RHBDF2: variants seen among roughly 807,000 people sequenced by gnomAD.
The protein encoded by RHBDF2 is inactive rhomboid protein 2.
In RHBDF2, 38 loss-of-function variants were observed where a neutral mutation model predicts 95.2. That is an observed-to-expected ratio of 0.40 (90% confidence interval 0.31 to 0.52). The LOEUF is 0.52. Among genes scored for constraint, RHBDF2 ranks in the 20% least tolerant of loss-of-function variants. The pLI is 0.56. For missense variants in RHBDF2, 863 were observed against 1,137.7 expected (o/e 0.76, Z 3.47); for synonymous variants, 442 against 462.0 (o/e 0.96, Z 0.55).
chr17:76,472,388 C>T (rs770537276), intron 18 of RHBDF2: 13 of 572,990 alleles, frequency 2.3e-5, no homozygotes, highest in Non-Finnish European at 3.1e-5. Context: ...CTGCCGACGG[C>T]GCACGGAGGC....
chr17:76,489,598 C>T (rs1320684751), intron 1 of RHBDF2, among the ~76,000 whole-genome samples: 1 of 152,230 alleles, frequency 6.6e-6, no homozygotes, highest in Non-Finnish European at 1.5e-5. Context: ...GCTGGGATTA[C>T]AGGCGTGAGC....
rs867428941 is a variant in RHBDF2 at position 76,473,256 on chromosome 17, G to A, written c.1805C>T (p.Ser602Phe). 1 of 1,612,604 alleles carries A rather than the reference G, an allele frequency of 6.2e-7. No individual in the cohort carries two copies. Among genetic ancestry groups the A allele is most frequent in the Non-Finnish European group, 8.5e-7 (1 of 1,179,260 alleles). Residue 602 changes from serine to phenylalanine, a missense_variant, in exon 16 of 19, where the codon TCC (serine) becomes TTC (phenylalanine). Coordinates refer to ENST00000675367, the MANE Select transcript of RHBDF2 (RefSeq NM_001005498.4). ...GYFHEEATLC[S>F]QVHCLDKVCG... is the part of the protein sequence containing the mutation. Reference sequence around the variant, plus strand: ...TCCAGGCCTGCCTCGCCTCACCTGGGAGCAGAGTGTTGCTTCCTCATGGAA... The same window carrying A: ...TCCAGGCCTGCCTCGCCTCACCTGGAAGCAGAGTGTTGCTTCCTCATGGAA...
chr17:76,490,392 C>T (rs78205021), intron 1 of RHBDF2, among the ~76,000 whole-genome samples: 16 of 152,260 alleles, frequency 1.1e-4, no homozygotes, highest in African/African-American at 3.6e-4. Context: ...GGACCCCACT[C>T]GGTTGAAGCT....
At chr17:76,473,131 C>A in intron 16 of RHBDF2, 26 bp from the exon 17 acceptor site, 3 of 1,602,190 alleles carry the variant, frequency 1.9e-6, no homozygotes. Flanking sequence ...TGGTGCTCAG[C>A]GCCCCAGAAG....
intron 2 of RHBDF2, 103 bp from the exon 3 acceptor site, chr17:76,481,648 A>G (rs2073969440): frequency 8.8e-7 from 1 of 1,132,738 alleles, no homozygotes; most frequent in Non-Finnish European, 1.2e-6. Flanking sequence ...CAACTTGCCT[A>G]AAGTTGGTTC....
At chr17:76,498,834 GTGTC>G (rs2074502049) in intron 1 of RHBDF2, among the ~76,000 whole-genome samples, 4 of 144,930 alleles carry the variant, frequency 2.8e-5, no homozygotes, top group African/African-American at 5.7e-5. Context: ...GAGTCTGTGT[GTGTC>G]TGTGTGTTTG....
At chr17:76,475,189 C>T (rs1404873453) in intron 9 of RHBDF2, 48 bp from the exon 10 acceptor site, 14 of 1,422,228 alleles carry the variant, frequency 9.8e-6, no homozygotes, top group South Asian at 6.1e-5. Flanking sequence ...CTATCCCAAC[C>T]CCCAGTCCCG....
intron 1 of RHBDF2, among the ~76,000 whole-genome samples, chr17:76,491,672 A>C (rs984531269): frequency 6.6e-6 from 1 of 152,218 alleles, no homozygotes; most frequent in African/African-American, 2.4e-5. Context: ...AACATGGAGT[A>C]TGGAAGCATG....
In RHBDF2 at chr17:76,481,846, C is replaced by T. The variant is rs144315581; in HGVS notation, c.-21-301G>A. On this transcript the variant is annotated intron_variant, in intron 2 of 18. Transcript: ENST00000675367. ...GCACGTGCCTGTAATCCCAGCTACT[C>T]GGGAGGCTGAGGCAGGATGGCTTGA... is the stretch of plus-strand genomic sequence containing the variant. 631 of 221,714 alleles carry T rather than the reference C, an allele frequency of 2.8e-3. 4 individuals carry two copies. The highest frequency in any genetic ancestry group is 0.013 in the African/African-American group (586 of 44,592). 13.7% of individuals were successfully genotyped at this position (221,714 alleles called of 1,614,324 possible).
chr17:76,488,620 C>T (rs1405370547), intron 1 of RHBDF2, among the ~76,000 whole-genome samples: 2 of 152,126 alleles, frequency 1.3e-5, no homozygotes, highest in African/African-American at 4.8e-5. Flanking sequence ...CCAGCCTGGC[C>T]AACATGGTGA....
intron 1 of RHBDF2, among the ~76,000 whole-genome samples, chr17:76,498,447 C>T (rs940470829): frequency 1.3e-5 from 2 of 152,218 alleles, no homozygotes; most frequent in Non-Finnish European, 2.9e-5. Flanking sequence ...CAGGAGGGCA[C>T]ACGTCTTCCC....
intron 1 of RHBDF2, among the ~76,000 whole-genome samples, chr17:76,490,549 G>A (rs1284657267): frequency 6.6e-6 from 1 of 152,156 alleles, no homozygotes; most frequent in East Asian, 1.9e-4. Context: ...ACTGCCCTGG[G>A]GAACTGGCAC....
At chr17:76,475,595 T>A (rs949354516) in intron 9 of RHBDF2, among the ~76,000 whole-genome samples, 2 of 151,868 alleles carry the variant, frequency 1.3e-5, no homozygotes, top group African/African-American at 2.4e-5. Flanking sequence ...TTCTTTTTTT[T>A]TTTTTGAGAC....
chr17:76,498,880 CTG>C (rs376312324), intron 1 of RHBDF2, among the ~76,000 whole-genome samples: 3 of 133,544 alleles, frequency 2.2e-5, no homozygotes, highest in South Asian at 2.3e-4. Context: ...TTGTGTGTGT[CTG>C]TGTGTGTGTG....
Position 76,471,867 on chromosome 17 carries a change from A to C in RHBDF2, c.2250T>G (p.Ser750Arg), listed in dbSNP as rs767003351. 6.3e-7 allele frequency: 1 copy of C among 1,588,288 alleles called. No individual in the cohort carries two copies. The change falls in exon 19 of 19, where the codon AGT (serine) becomes AGG (arginine). Residue 750 changes from serine (S) to arginine (R), a missense_variant. Transcript: ENST00000675367. Reference sequence around the variant, plus strand: ...GGAAGGCGAAGGCCAGCAGCAGGCCACTGAGGAAGCCGAAGATGTGGGCGA... The same window carrying C: ...GGAAGGCGAAGGCCAGCAGCAGGCCCCTGAGGAAGCCGAAGATGTGGGCGA... ...DNIAHIFGFL[S>R]GLLLAFAFLP... is the part of the protein sequence containing the mutation.
chr17:76,485,753 G>A (rs925902687), intron 2 of RHBDF2, among the ~76,000 whole-genome samples: 8 of 152,132 alleles, frequency 5.3e-5, no homozygotes, highest in Non-Finnish European at 5.9e-5. Flanking sequence ...ATAAAATGTG[G>A]TTGAGCCACA....
At chr17:76,480,234 C>T (rs571385471) in intron 3 of RHBDF2, among the ~76,000 whole-genome samples, 1 of 151,390 alleles carries the variant, frequency 6.6e-6, no homozygotes, top group Admixed American at 6.6e-5. Context: ...AGGCATGTGC[C>T]ACCACACCCG....
rs1161604657 is a variant in RHBDF2, at chr17:76,475,071, T to A, written c.1186A>T (p.Ile396Phe). The A allele has an allele frequency of 5.8e-5, 93 of 1,598,040 alleles. No individual in the cohort carries two copies. Among genetic ancestry groups the A allele is most frequent in the Non-Finnish European group, 7.8e-5 (91 of 1,173,320 alleles). The change falls in exon 10 of 19, where the codon ATC becomes TTC. Residue 396 changes from isoleucine to phenylalanine, a missense_variant. By Grantham distance (21) the Ile-to-Phe change is conservative. Transcript: ENST00000675367. ...TGCTGGGCAAAGCCCACGGGTGCGA[T>A]GCCATACGTGCAAATCACCAGCAGC... ...ITLLVICTYGIAPVGFAQHVT... is the reference protein window; with the variant it reads ...ITLLVICTYGFAPVGFAQHVT...
intron 9 of RHBDF2, among the ~76,000 whole-genome samples, chr17:76,475,514 C>T (rs2073742560): frequency 6.6e-6 from 1 of 152,140 alleles, no homozygotes; most frequent in Admixed American, 6.5e-5. Flanking sequence ...CCCTCCCCAC[C>T]AGCTGTTCAC....
Sources: gnomAD v4.1 joint callset for allele counts (sites outside exome capture counted in the v4.1 genomes callset) on GRCh38, gnomAD v4.1.1 for gene constraint, MANE v1.5 for transcripts, NCBI Gene and HGNC (gene_info 2026-07-23, HGNC 2026-07-21) for gene names.